ARHGAP24: variants seen among roughly 807,000 people sequenced by gnomAD.
ARHGAP24 encodes Rho GTPase activating protein 24.
A neutral mutation model predicts 76.4 loss-of-function variants in ARHGAP24; 50 were observed. The ratio of observed to expected loss-of-function variants is 0.65; its 90% confidence interval spans 0.52 to 0.83. The LOEUF (loss-of-function observed/expected upper bound fraction) is 0.83. Ranked by LOEUF, ARHGAP24 falls within the 40% of genes least tolerant of loss-of-function variation. The pLI is 0.00. For missense variants in ARHGAP24, 930 were observed against 914.2 expected (o/e 1.02, Z -0.22); for synonymous variants, 345 against 323.3 (o/e 1.07, Z -0.72).
intron 2 of ARHGAP24, among the ~76,000 whole-genome samples, chr4:85,712,570 G>A (rs1274288063): frequency 6.6e-6 from 1 of 152,090 alleles, no homozygotes; most frequent in Non-Finnish European, 1.5e-5. Flanking sequence ...TGAGGGTTTG[G>A]GGGGATATCT....
intron 3 of ARHGAP24, among the ~76,000 whole-genome samples, chr4:85,909,972 G>A (rs1220768225): frequency 6.6e-6 from 1 of 152,144 alleles, no homozygotes; most frequent in Non-Finnish European, 1.5e-5. Context: ...TGACACTACT[G>A]GCCTGGATCC....
chr4:85,840,017 C>CTTTTTTT (rs70948759), intron 3 of ARHGAP24, among the ~76,000 whole-genome samples: 3 of 116,032 alleles, frequency 2.6e-5, no homozygotes, highest in South Asian at 2.9e-4. Context: ...GCCTGGCTAA[C>CTTTTTTT]TTTTTTTTTT....
At chr4:85,750,100 A>G (rs1726201593) in intron 3 of ARHGAP24, among the ~76,000 whole-genome samples, 1 of 152,040 alleles carries the variant, frequency 6.6e-6, no homozygotes, top group Non-Finnish European at 1.5e-5. Flanking sequence ...ACATGATGAA[A>G]TGTCAGCTGT....
chr4:85,691,043 A>T (rs55808941), intron 2 of ARHGAP24, among the ~76,000 whole-genome samples: 1 of 151,962 alleles, frequency 6.6e-6, no homozygotes, highest in Non-Finnish European at 1.5e-5. Flanking sequence ...GGTAAGTTGC[A>T]TCTCTATTTT....
At chr4:85,596,760 C>G (rs1280354173) in intron 2 of ARHGAP24, among the ~76,000 whole-genome samples, 1 of 151,894 alleles carries the variant, frequency 6.6e-6, no homozygotes, top group Non-Finnish European at 1.5e-5. Context: ...CCTAGGTGTT[C>G]TAAAAAAAGA....
chr4:85,726,279 T>A (rs1188732687), intron 3 of ARHGAP24, among the ~76,000 whole-genome samples: 2 of 152,106 alleles, frequency 1.3e-5, no homozygotes, highest in Non-Finnish European at 2.9e-5. Flanking sequence ...ATAATGGGGA[T>A]AAAACGTTTT....
At chr4:85,721,805 T>C in intron 2 of ARHGAP24, 80 bp from the exon 3 acceptor site, 1 of 1,234,648 alleles carries the variant, frequency 8.1e-7, no homozygotes, top group South Asian at 1.2e-5. Context: ...AGCTACACCT[T>C]GGATATTCAC....
At chr4:85,865,228 T>G (rs1732127883) in intron 3 of ARHGAP24, among the ~76,000 whole-genome samples, 1 of 152,010 alleles carries the variant, frequency 6.6e-6, no homozygotes, top group African/African-American at 2.4e-5. Flanking sequence ...TAAAAAACTT[T>G]TTTAGCTACT....
chr4:85,690,696 A>T (rs1005942474), intron 2 of ARHGAP24, among the ~76,000 whole-genome samples: 16 of 140,034 alleles, frequency 1.1e-4, no homozygotes, highest in African/African-American at 4.3e-4. Flanking sequence ...GGGTGTTCTC[A>T]CCCATGCCCA....
intron 2 of ARHGAP24, among the ~76,000 whole-genome samples, chr4:85,627,706 G>A (rs545406728): frequency 6.6e-6 from 1 of 152,194 alleles, no homozygotes; most frequent in African/African-American, 2.4e-5. Flanking sequence ...CTTGAGCTGT[G>A]GTGGGCTCCA....
intron 3 of ARHGAP24, among the ~76,000 whole-genome samples, chr4:85,795,984 A>G (rs1029839190): frequency 1.5e-4 from 23 of 152,192 alleles, no homozygotes; most frequent in Non-Finnish European, 5.9e-5. Flanking sequence ...TTGATTCACC[A>G]TCACAGAGTT....
chr4:85,783,345 G>A (rs944846336), intron 3 of ARHGAP24, among the ~76,000 whole-genome samples: 13 of 152,072 alleles, frequency 8.5e-5, no homozygotes, highest in Non-Finnish European at 1.5e-4. Flanking sequence ...CTATTGTTGG[G>A]GACCTACATT....
intron 4 of ARHGAP24, among the ~76,000 whole-genome samples, chr4:85,936,008 T>G (rs1212938263): frequency 6.6e-6 from 1 of 152,232 alleles, no homozygotes; most frequent in Non-Finnish European, 1.5e-5. Flanking sequence ...GAAATAAGCT[T>G]TGCCTTGCTT....
chr4:85,670,988 C>T (rs756751259), intron 2 of ARHGAP24, among the ~76,000 whole-genome samples: 16 of 152,116 alleles, frequency 1.1e-4, no homozygotes, highest in African/African-American at 3.4e-4. Context: ...AAAAAGGATT[C>T]GCAGATCATT....
chr4:85,977,304 A>C (rs1353742577), intron 7 of ARHGAP24, among the ~76,000 whole-genome samples: 1 of 152,126 alleles, frequency 6.6e-6, no homozygotes, highest in African/African-American at 2.4e-5. Flanking sequence ...TATTGTCCAA[A>C]CACACCTGTT....
intron 3 of ARHGAP24, among the ~76,000 whole-genome samples, chr4:85,909,899 C>T (rs556580814): frequency 1.3e-5 from 2 of 152,330 alleles, no homozygotes; most frequent in South Asian, 4.1e-4. Flanking sequence ...GCACCTTTGC[C>T]TGAGTGTTGC....
chr4:85,570,925 G>A, intron 2 of ARHGAP24: 2 of 544,830 alleles, frequency 3.7e-6, no homozygotes, highest in South Asian at 5.0e-5. Flanking sequence ...AATTATACTT[G>A]TCTAATATTA....
At chr4:85,568,247 AC>A (rs142245831) in intron 1 of ARHGAP24, among the ~76,000 whole-genome samples, 7,931 of 149,948 alleles carry the variant, frequency 0.053, 672 homozygotes, top group African/African-American at 0.18. Context: ...AGAAAAAATT[AC>A]CTAAGGGCCC....
intron 2 of ARHGAP24, among the ~76,000 whole-genome samples, chr4:85,616,690 C>T (rs750337863): frequency 2.0e-5 from 3 of 152,124 alleles, no homozygotes; most frequent in African/African-American, 4.8e-5. Context: ...TGCAGTGGCA[C>T]GATCTCAGCT....
Sources: gnomAD v4.1 joint callset for allele counts (sites outside exome capture counted in the v4.1 genomes callset) on GRCh38, gnomAD v4.1.1 for gene constraint, MANE v1.5 for transcripts, NCBI Gene and HGNC (gene_info 2026-07-23, HGNC 2026-07-21) for gene names.